Variants in CDK14 observed in about 807,000 individuals in gnomAD.
CDK14 encodes cyclin dependent kinase 14, also known as cyclin-dependent kinase 14.
In CDK14, 34 loss-of-function variants were observed where a neutral mutation model predicts 60.7. The observed-to-expected ratio is 0.56, with a 90% CI of 0.43 to 0.75. The LOEUF is 0.75. CDK14 is among the 30% of genes least tolerant of loss of function. The probability of loss-of-function intolerance (pLI) is 0.00; values close to 1 mark genes in which losing one functional copy is unlikely to be tolerated. For missense variants in CDK14, 482 were observed against 564.1 expected, an observed-to-expected ratio of 0.85 and a Z score of 1.47; for synonymous variants, 197 against 203.7, an observed-to-expected ratio of 0.97 and a Z score of 0.28.
chr7:90,997,958 G>T (rs905503879), intron 10 of CDK14, among the ~76,000 whole-genome samples: 1 of 152,100 alleles, frequency 6.6e-6, no homozygotes, highest in Middle Eastern at 3.4e-3. Flanking sequence ...GCCACTCTGA[G>T]GATATTATGA....
intron 5 of CDK14, among the ~76,000 whole-genome samples, chr7:90,835,549 G>T (rs1428075936): frequency 6.6e-6 from 1 of 152,140 alleles, no homozygotes. Context: ...GAAAATCAAA[G>T]TGTGTTGTTG....
chr7:90,700,335 G>A (rs1450928559), intron 2 of CDK14, among the ~76,000 whole-genome samples: 3 of 152,000 alleles, frequency 2.0e-5, no homozygotes, highest in Non-Finnish European at 2.9e-5. Context: ...CTCGCAGTCC[G>A]GCCACCTTGG....
chr7:91,108,740 G>T (rs1020498058), intron 12 of CDK14, among the ~76,000 whole-genome samples: 2 of 152,038 alleles, frequency 1.3e-5, no homozygotes, highest in Non-Finnish European at 2.9e-5. Flanking sequence ...ATCTCATTTC[G>T]TGCTATTATG....
intron 2 of CDK14, among the ~76,000 whole-genome samples, chr7:90,690,763 T>A (rs1801536632): frequency 6.6e-6 from 1 of 152,148 alleles, no homozygotes; most frequent in African/African-American, 2.4e-5. Flanking sequence ...ATTATGAATT[T>A]AAAAATTGAT....
At chr7:90,694,325 A>G (rs571762426) in intron 2 of CDK14, among the ~76,000 whole-genome samples, 23 of 152,332 alleles carry the variant, frequency 1.5e-4, no homozygotes, top group Admixed American at 5.9e-4. Context: ...GATTTTAAAA[A>G]AACAGTTAAA....
At chr7:90,739,186 T>G (rs1803250034) in intron 3 of CDK14, among the ~76,000 whole-genome samples, 1 of 152,228 alleles carries the variant, frequency 6.6e-6, no homozygotes, top group Non-Finnish European at 1.5e-5. Flanking sequence ...AGTTACAGTG[T>G]ATTTCCACAA....
chr7:90,766,015 G>A (rs983610266), intron 4 of CDK14, among the ~76,000 whole-genome samples: 14 of 150,896 alleles, frequency 9.3e-5, no homozygotes, highest in Admixed American at 3.3e-4. Flanking sequence ...TTTTATTGTC[G>A]GCTTCATCTC....
chr7:91,169,632 G>A (rs917871978), intron 14 of CDK14, among the ~76,000 whole-genome samples: 19 of 152,090 alleles, frequency 1.2e-4, no homozygotes, highest in African/African-American at 4.1e-4. Flanking sequence ...TCCTCAAGTG[G>A]ATTAAGCCAA....
chr7:90,619,937 A>G, intron 2 of CDK14, among the ~76,000 whole-genome samples: 1 of 152,188 alleles, frequency 6.6e-6, no homozygotes, highest in Non-Finnish European at 1.5e-5. Flanking sequence ...CAGAGGTTGT[A>G]GTGAGCCGAG....
At chr7:90,858,782 C>G (rs1003274052) in intron 5 of CDK14, among the ~76,000 whole-genome samples, 1 of 152,096 alleles carries the variant, frequency 6.6e-6, no homozygotes, top group African/African-American at 2.4e-5. Context: ...TTAAAATGAG[C>G]CTATGCGATC....
intron 8 of CDK14, among the ~76,000 whole-genome samples, chr7:90,946,720 GTTAT>G (rs1794112601): frequency 6.6e-6 from 1 of 152,090 alleles, no homozygotes; most frequent in African/African-American, 2.4e-5. Context: ...TTATTTCAGT[GTTAT>G]TTATTACATG....
chr7:90,855,714 G>A (rs149477603), intron 5 of CDK14, among the ~76,000 whole-genome samples: 367 of 152,296 alleles, frequency 2.4e-3, no homozygotes, highest in African/African-American at 8.4e-3. Context: ...GTTGAACCAC[G>A]TACAATTGCT....
intron 10 of CDK14, among the ~76,000 whole-genome samples, chr7:90,990,003 G>A (rs1021685211): frequency 4.6e-5 from 7 of 152,152 alleles, no homozygotes; most frequent in African/African-American, 1.7e-4. Context: ...AGGAGTGGGT[G>A]GAAGGTGAGG....
chr7:90,753,480 C>A (rs1330857748), intron 4 of CDK14, among the ~76,000 whole-genome samples: 1 of 152,124 alleles, frequency 6.6e-6, no homozygotes, highest in Non-Finnish European at 1.5e-5. Context: ...ATTGAAGGAA[C>A]ATAGTTCAAA....
chr7:90,819,115 G>A (rs930791490), intron 5 of CDK14, among the ~76,000 whole-genome samples: 47 of 152,068 alleles, frequency 3.1e-4, no homozygotes, highest in African/African-American at 1.1e-3. Flanking sequence ...TGTGCATGGA[G>A]TTGTTACTGG....
intron 2 of CDK14, among the ~76,000 whole-genome samples, chr7:90,681,814 G>A (rs4728922): frequency 0.84 from 128,322 of 152,080 alleles, 54,318 homozygotes; most frequent in East Asian, 1. Context: ...ATTTGTAGAT[G>A]ATGCTTTGGT....
chr7:90,697,883 A>G lies in CDK14; in HGVS notation c.124-28684A>G, dbSNP rs562353287. The stretch of plus-strand genomic sequence containing the variant: ...GGAGATCCAGACCATCCTGGCTAAC[A>G]CGGTGAAACCCCATCTCTACGAAAA... On this transcript the variant is annotated intron_variant, in intron 2 of 14. Transcript: ENST00000380050. Among the ~76,000 whole-genome samples, 7 of 151,960 alleles carry G rather than the reference A, an allele frequency of 4.6e-5. 1 individual carries two copies. In the East Asian group the frequency reaches 1.4e-3, roughly 30 times the overall value.
chr7:91,163,671 T>C (rs968708997), intron 14 of CDK14, among the ~76,000 whole-genome samples: 1 of 152,190 alleles, frequency 6.6e-6, no homozygotes, highest in Non-Finnish European at 1.5e-5. Context: ...TTGACTGTAG[T>C]CACCCTACTT....
At chr7:91,044,721 G>A (rs948334854) in intron 10 of CDK14, among the ~76,000 whole-genome samples, 3 of 152,044 alleles carry the variant, frequency 2.0e-5, no homozygotes, top group Non-Finnish European at 2.9e-5. Context: ...TCCTCTGCTG[G>A]TTTCCAGCTT....
Sources: gnomAD v4.1 joint callset for allele counts (sites outside exome capture counted in the v4.1 genomes callset) on GRCh38, gnomAD v4.1.1 for gene constraint, MANE v1.5 for transcripts, NCBI Gene and HGNC (gene_info 2026-07-23, HGNC 2026-07-21) for gene names.